The following GNG12 variants were observed in gnomAD, a reference collection of about 807,000 sequenced individuals.
GNG12 encodes G protein subunit gamma 12, also known as guanine nucleotide-binding protein G(I)/G(S)/G(O) subunit gamma-12.
For synonymous variants in GNG12, 28 were observed against 29.7 expected, an observed-to-expected ratio of 0.94 and a Z score of 0.19; for missense variants, 69 against 83.8, an observed-to-expected ratio of 0.82 and a Z score of 0.69.
At chr1:67,814,379 T>C (rs2100813007) in intron 1 of GNG12, among the ~76,000 whole-genome samples, 1 of 152,342 alleles carries the variant, frequency 6.6e-6, no homozygotes, top group East Asian at 1.9e-4. Context: ...ATCCTGCATG[T>C]AGTGTAACAG....
At chr1:67,754,390 C>G (rs1487482239) in intron 2 of GNG12, among the ~76,000 whole-genome samples, 1 of 152,194 alleles carries the variant, frequency 6.6e-6, no homozygotes, top group Non-Finnish European at 1.5e-5. Flanking sequence ...GCCAGACACC[C>G]CAGAGTCGTT....
At chr1:67,813,298 G>GT (rs1291237998) in intron 1 of GNG12, among the ~76,000 whole-genome samples, 1 of 152,150 alleles carries the variant, frequency 6.6e-6, no homozygotes, top group African/African-American at 2.4e-5. Flanking sequence ...ACTTAAGATG[G>GT]TGAAGAACCT....
intron 1 of GNG12, among the ~76,000 whole-genome samples, chr1:67,828,086 T>C (rs115041422): frequency 0.014 from 2,194 of 152,266 alleles, 34 homozygotes; most frequent in Non-Finnish European, 0.023. Flanking sequence ...AGCGAGTCAG[T>C]TCCTTCATCT....
At position 67,704,492 on chromosome 1, in the gene GNG12, A is replaced by C. The variant is rs1646233622; in HGVS notation, c.*959T>G. ...GGGACAAGGAGAGCAGCTGTTTTTC[A>C]CACATTCCTGCTCCTCTCTCAGCTG... On this transcript the variant is annotated 3_prime_UTR_variant, in exon 4 of 4. Transcript: ENST00000370982. 6.6e-6 allele frequency: 1 copy of C among 152,478 alleles called. No individual in the cohort carries two copies. Among genetic ancestry groups the C allele is most frequent in the African/African-American group, 2.4e-5 (1 of 41,404 alleles). 9.4% of individuals were successfully genotyped at this position (152,478 alleles called of 1,614,324 possible).
chr1:67,707,153 C>T (rs1646254080), intron 3 of GNG12, among the ~76,000 whole-genome samples: 1 of 152,224 alleles, frequency 6.6e-6, no homozygotes, highest in Non-Finnish European at 1.5e-5. Flanking sequence ...GGGCCAAACA[C>T]ATTTAAAAGC....
At chr1:67,823,323 C>T (rs1646994151) in intron 1 of GNG12, among the ~76,000 whole-genome samples, 1 of 152,290 alleles carries the variant, frequency 6.6e-6, no homozygotes. Flanking sequence ...TTTGGAGAAG[C>T]CCCAGTTTAG....
At chr1:67,791,208 C>A (rs975778098) in intron 1 of GNG12, among the ~76,000 whole-genome samples, 2 of 152,176 alleles carry the variant, frequency 1.3e-5, no homozygotes, top group African/African-American at 4.8e-5. Flanking sequence ...TTTTCTTAAT[C>A]TTTTAAAATT....
rs199837660 is a variant in GNG12, at chr1:67,789,430, T to TA, written c.-76-11924dup. ...ACACTTTTCATTAGCCTTAGAAAACTAAAAAAAAATTAAGAGTAAAATTTA... is the reference window on the plus strand; with the variant it reads ...ACACTTTTCATTAGCCTTAGAAAACTAAAAAAAAAATTAAGAGTAAAATTTA... On this transcript the variant is annotated intron_variant, in intron 1 of 3. Transcript: ENST00000370982. Among the ~76,000 whole-genome samples, 1,258 of 151,666 alleles carry TA rather than the reference T, an allele frequency of 8.3e-3. 20 individuals carry two copies. The highest frequency in any genetic ancestry group is 0.028 in the African/African-American group (1,177 of 41,380).
chr1:67,766,304 C>T (rs1231314591), intron 2 of GNG12, among the ~76,000 whole-genome samples: 1 of 152,196 alleles, frequency 6.6e-6, no homozygotes, highest in African/African-American at 2.4e-5. Flanking sequence ...GAAGTTGGCT[C>T]GCATTTCACC....
chr1:67,749,625 G>A (rs761712087), intron 2 of GNG12, among the ~76,000 whole-genome samples: 3 of 152,190 alleles, frequency 2.0e-5, no homozygotes, highest in Non-Finnish European at 2.9e-5. Context: ...CAGCCTGCAC[G>A]ACAGAGCAAA....
chr1:67,745,907 T>TA (rs1469860214), intron 2 of GNG12, among the ~76,000 whole-genome samples: 3 of 152,226 alleles, frequency 2.0e-5, no homozygotes, highest in Non-Finnish European at 4.4e-5. Flanking sequence ...CTGCAACTGT[T>TA]AAAGAGTCAG....
chr1:67,808,767 A>C (rs1319604499), intron 1 of GNG12, among the ~76,000 whole-genome samples: 1 of 152,202 alleles, frequency 6.6e-6, no homozygotes, highest in Non-Finnish European at 1.5e-5. Flanking sequence ...TATAAGGAAA[A>C]CTATAAAATG....
At chr1:67,824,506 T>C in intron 1 of GNG12, among the ~76,000 whole-genome samples, 1 of 57,602 alleles carries the variant, frequency 1.7e-5, no homozygotes, top group Admixed American at 2.5e-4. Flanking sequence ...TGAGATCCTG[T>C]CTCAAAAAAA....
intron 2 of GNG12, among the ~76,000 whole-genome samples, chr1:67,752,005 A>G (rs533743504): frequency 6.6e-6 from 1 of 152,346 alleles, no homozygotes; most frequent in East Asian, 1.9e-4. Context: ...TCTTTCAGCA[A>G]GAGTTATTAC....
At chr1:67,706,467 G>A (rs1248644842) in intron 3 of GNG12, among the ~76,000 whole-genome samples, 1 of 152,076 alleles carries the variant, frequency 6.6e-6, no homozygotes, top group Non-Finnish European at 1.5e-5. Flanking sequence ...AAAATATCAT[G>A]CCCTGTTTCA....
chr1:67,755,590 A>G (rs1646563356), intron 2 of GNG12, among the ~76,000 whole-genome samples: 1 of 152,146 alleles, frequency 6.6e-6, no homozygotes, highest in African/African-American at 2.4e-5. Context: ...TAATTTCTTC[A>G]TTTATTTTTA....
chr1:67,747,718 T>C (rs181690524), intron 2 of GNG12, among the ~76,000 whole-genome samples: 30 of 152,344 alleles, frequency 2.0e-4, no homozygotes, highest in African/African-American at 7.0e-4. Flanking sequence ...ATGTGAACTT[T>C]AGCAACACAA....
At position 67,712,852 on chromosome 1, in the gene GNG12, T is replaced by C. The variant is rs547832953; in HGVS notation, c.-26-5140A>G. 1.4e-4 allele frequency among the ~76,000 whole-genome samples: 21 copies of C among 152,028 alleles called. No individual in the cohort carries two copies. In the South Asian group the frequency reaches 4.4e-3, roughly 32 times the overall value. ...GGTTCTTTTTTTTTTTTTTCCCCTCTTTTTTTGAGATGGAGTCAGGCACCT... is the reference window on the plus strand; with the variant it reads ...GGTTCTTTTTTTTTTTTTTCCCCTCCTTTTTTGAGATGGAGTCAGGCACCT... On this transcript the variant is annotated intron_variant, in intron 2 of 3. Coordinates refer to ENST00000370982, the MANE Select transcript of GNG12 (RefSeq NM_018841.6).
chr1:67,709,184 G>A (rs1461365389), intron 2 of GNG12, among the ~76,000 whole-genome samples: 1 of 152,138 alleles, frequency 6.6e-6, no homozygotes, highest in Non-Finnish European at 1.5e-5. Context: ...TTTTTTGGGG[G>A]GATTCAATTT....
Sources: gnomAD v4.1 joint callset for allele counts (sites outside exome capture counted in the v4.1 genomes callset) on GRCh38, gnomAD v4.1.1 for gene constraint, MANE v1.5 for transcripts, NCBI Gene and HGNC (gene_info 2026-07-23, HGNC 2026-07-21) for gene names.